FAM174B: variants seen among roughly 807,000 people sequenced by gnomAD.
The protein encoded by FAM174B is membrane protein FAM174B.
FAM174B carries 12 observed loss-of-function variants against 10.9 expected under a neutral mutation model. The ratio of observed to expected loss-of-function variants is 1.10; its 90% confidence interval spans 0.71 to 1.79. The LOEUF is 1.79. Among genes scored for constraint, FAM174B ranks in the 40% most tolerant of loss-of-function variants. The pLI is 0.00. For synonymous variants in FAM174B, 132 were observed against 115.8 expected (o/e 1.14, Z -0.90); for missense variants, 266 against 233.3 (o/e 1.14, Z -0.91).
intron 1 of FAM174B, among the ~76,000 whole-genome samples, chr15:92,649,671 AG>A (rs942046748): frequency 6.6e-6 from 1 of 152,216 alleles, no homozygotes; most frequent in African/African-American, 2.4e-5. Flanking sequence ...GACAACCAGC[AG>A]GCCTTGAAGC....
intron 1 of FAM174B, among the ~76,000 whole-genome samples, chr15:92,643,827 T>G (rs1336170330): frequency 6.6e-6 from 1 of 152,170 alleles, no homozygotes; most frequent in Non-Finnish European, 1.5e-5. Flanking sequence ...AGGACCAGCG[T>G]TCTGCCAAAA....
At chr15:92,650,888 CAT>C (rs903736389) in intron 1 of FAM174B, among the ~76,000 whole-genome samples, 1 of 152,238 alleles carries the variant, frequency 6.6e-6, no homozygotes, top group Non-Finnish European at 1.5e-5. Context: ...CACTCTCACA[CAT>C]GTGAAGGTAC....
In FAM174B at chr15:92,631,368, T is replaced by A. The variant is rs868212542; in HGVS notation, c.345-1023A>T. Among the ~76,000 whole-genome samples, 28 of 18,722 alleles carry A rather than the reference T, an allele frequency of 1.5e-3. 2 individuals carry two copies. Among genetic ancestry groups the A allele is most frequent in the Non-Finnish European group, 1.9e-3 (22 of 11,736 alleles). 12.3% of individuals were successfully genotyped at this position (18,722 alleles called of 152,430 possible). On this transcript the variant is annotated intron_variant, in intron 1 of 2. Transcript: ENST00000327355. ...ATATATAATATATTATATATTATAT[T>A]ATATATAATATATTATATATTATAT...
intron 2 of FAM174B, among the ~76,000 whole-genome samples, chr15:92,623,740 G>A (rs777240111): frequency 2.7e-4 from 41 of 152,312 alleles, no homozygotes; most frequent in Non-Finnish European, 5.6e-4. Flanking sequence ...CGGAGAAGCC[G>A]GAGGGAGGAG....
Position 92,655,627 on chromosome 15 carries a change from C to A in FAM174B, c.33G>T (p.Leu11=). 2.4e-6 allele frequency: 3 copies of A among 1,261,858 alleles called. No homozygotes were observed. The highest frequency in any genetic ancestry group is 4.1e-5 in the Admixed American group (1 of 24,240). The allele number at this position is 1,261,858 out of a possible 1,614,324, so 78.2% of individuals were successfully genotyped here. A position where few individuals can be genotyped will look rare whatever the true frequency, so the allele number is the denominator to read the frequency against. The stretch of plus-strand genomic sequence containing the variant: ...CCAGGAGCGCGAGCAGCAGCAGCGG[C>A]AGGAGCGGGGCGGGCAGCGGCACGG... MRAVPLPAPL[L]PLLLLALLAA... is the part of the protein sequence containing the mutation. The change falls in exon 1 of 3, where the codon CTG becomes CTT. Residue 11 remains leucine, a synonymous_variant. Transcript: ENST00000327355.
intron 1 of FAM174B, among the ~76,000 whole-genome samples, chr15:92,631,640 G>C (rs1389945633): frequency 6.9e-6 from 1 of 145,590 alleles, no homozygotes; most frequent in African/African-American, 2.6e-5. Flanking sequence ...GACTACAGGC[G>C]CCCGCCACCA....
At chr15:92,630,909 A>G (rs183067852) in intron 1 of FAM174B, among the ~76,000 whole-genome samples, 187 of 37,370 alleles carry the variant, frequency 5.0e-3, no homozygotes, top group Non-Finnish European at 0.011. Flanking sequence ...TACATATTAT[A>G]TATTATATAT....
Position 92,618,085 on chromosome 15 carries a change from CAA to C in FAM174B, c.*1369_*1370del, listed in dbSNP as rs879144143. 37 of 167,822 alleles carry C rather than the reference CAA, an allele frequency of 2.2e-4. No individual in the cohort carries two copies. Among genetic ancestry groups the C allele is most frequent in the East Asian group, 4.0e-4 (3 of 7,480 alleles). The allele number at this position is 167,822 out of a possible 1,614,324, so 10.4% of individuals were successfully genotyped here. A position where few individuals can be genotyped will look rare whatever the true frequency, so the allele number is the denominator to read the frequency against. ...GTCAGGAAAGGCTGGAGTTTTCATC[CAA>C]AAAAAAAAAGAGCAGGACAATAAAC... On this transcript the variant is annotated 3_prime_UTR_variant, in exon 3 of 3. Transcript: ENST00000327355.
At chr15:92,627,463 A>C (rs1596295243) in intron 2 of FAM174B, 1 of 162,410 alleles carries the variant, frequency 6.2e-6, no homozygotes, top group African/African-American at 2.4e-5. Flanking sequence ...TACCAGACAC[A>C]ATGTCAATCC....
At chr15:92,641,702 G>A (rs191531629) in intron 1 of FAM174B, among the ~76,000 whole-genome samples, 167 of 152,038 alleles carry the variant, frequency 1.1e-3, no homozygotes, top group Admixed American at 4.6e-3. Flanking sequence ...TTATATGTAA[G>A]AGCTAAATTT....
At chr15:92,637,604 C>T (rs576398794) in intron 1 of FAM174B, among the ~76,000 whole-genome samples, 1 of 152,324 alleles carries the variant, frequency 6.6e-6, no homozygotes, top group South Asian at 2.1e-4. Flanking sequence ...CCTATATCCT[C>T]AAGCCTGTTT....
intron 1 of FAM174B, among the ~76,000 whole-genome samples, chr15:92,636,134 C>T (rs1032912949): frequency 2.0e-5 from 3 of 151,254 alleles, no homozygotes; most frequent in Admixed American, 6.6e-5. Flanking sequence ...AGTGTAGATT[C>T]TTTAACGTGT....
At chr15:92,622,386 G>C (rs74029156) in intron 2 of FAM174B, among the ~76,000 whole-genome samples, 154 of 152,354 alleles carry the variant, frequency 1.0e-3, no homozygotes, top group African/African-American at 3.6e-3. Context: ...GTCTCTCCAG[G>C]AGGTGGTAGA....
At chr15:92,645,011 T>C (rs922532103) in intron 1 of FAM174B, among the ~76,000 whole-genome samples, 1 of 152,190 alleles carries the variant, frequency 6.6e-6, no homozygotes, top group Non-Finnish European at 1.5e-5. Context: ...GTGGGCCACA[T>C]TTTTCAGCCC....
intron 2 of FAM174B, among the ~76,000 whole-genome samples, chr15:92,629,535 C>T (rs901786541): frequency 2.6e-5 from 4 of 152,194 alleles, no homozygotes; most frequent in Non-Finnish European, 5.9e-5. Flanking sequence ...GTGTGGCACA[C>T]ACGGCTGCTT....
At chr15:92,619,837 A>C (rs1596292357) in intron 2 of FAM174B, 1 of 266,248 alleles carries the variant, frequency 3.8e-6, no homozygotes, top group Non-Finnish European at 7.1e-6. Flanking sequence ...CACGGTGATA[A>C]CTCCTCAACC....
chr15:92,621,852 C>A (rs2050721680), intron 2 of FAM174B, among the ~76,000 whole-genome samples: 1 of 152,062 alleles, frequency 6.6e-6, no homozygotes, highest in Non-Finnish European at 1.5e-5. Context: ...GGACTAAGGA[C>A]CCCCAACATT....
At chr15:92,640,937 G>A (rs769284900) in intron 1 of FAM174B, among the ~76,000 whole-genome samples, 4 of 151,990 alleles carry the variant, frequency 2.6e-5, no homozygotes, top group Admixed American at 6.6e-5. Context: ...GAGCCACCGC[G>A]CCTGGCTAAC....
Position 92,655,727 on chromosome 15 carries a change from G to T in FAM174B, c.-68C>A, listed in dbSNP as rs1037183224. The T allele has an allele frequency of 8.4e-7, 1 of 1,184,582 alleles. No individual in the cohort carries two copies. Among genetic ancestry groups the T allele is most frequent in the Non-Finnish European group, 1.1e-6 (1 of 950,854 alleles). 73.4% of individuals were successfully genotyped at this position (1,184,582 alleles called of 1,614,324 possible). On this transcript the variant is annotated 5_prime_UTR_variant, in exon 1 of 3. Coordinates refer to ENST00000327355, the MANE Select transcript of FAM174B (RefSeq NM_207446.3). ...TGAGCTCCAGGATCCGCACCAGCACGGAGGCCTGCACCGGGGGATCCTGCG... is the reference window on the plus strand; with the variant it reads ...TGAGCTCCAGGATCCGCACCAGCACTGAGGCCTGCACCGGGGGATCCTGCG...
Sources: gnomAD v4.1 joint callset for allele counts (sites outside exome capture counted in the v4.1 genomes callset) on GRCh38, gnomAD v4.1.1 for gene constraint, MANE v1.5 for transcripts, NCBI Gene and HGNC (gene_info 2026-07-23, HGNC 2026-07-21) for gene names.